The following JAZF1 variants were observed in gnomAD, a reference collection of about 807,000 sequenced individuals.
JAZF1 encodes juxtaposed with another zinc finger protein 1.
In JAZF1, 8 loss-of-function variants were observed where a neutral mutation model predicts 26.4. That is an observed-to-expected ratio of 0.30 (90% CI 0.18 to 0.55). JAZF1 has a LOEUF of 0.55. Among genes scored for constraint, JAZF1 ranks in the 20% least tolerant of loss-of-function variants. JAZF1 has a pLI of 0.94. For missense variants in JAZF1, 199 were observed against 322.0 expected (o/e 0.62, Z 2.92); for synonymous variants, 126 against 122.3 (o/e 1.03, Z -0.20).
At position 28,112,867 on chromosome 7, in the gene JAZF1, G is replaced by A. The variant is rs555808339; in HGVS notation, c.115+67596C>T. ...CAAAACTCACTTTTAAAAACAGCCT[G>A]CTGATAAACTTCCTCTTAAAAATGA... is the stretch of plus-strand genomic sequence containing the variant. On this transcript the variant is annotated intron_variant, in intron 1 of 4. Coordinates refer to ENST00000283928, the MANE Select transcript of JAZF1 (RefSeq NM_175061.4). Among the ~76,000 whole-genome samples the A allele has an allele frequency of 8.5e-5, 13 of 152,300 alleles. No homozygotes were observed. In the South Asian group the frequency reaches 2.7e-3, roughly 32 times the overall value.
intron 2 of JAZF1, among the ~76,000 whole-genome samples, chr7:27,925,161 A>C (rs1262033414): frequency 6.6e-6 from 1 of 152,216 alleles, no homozygotes; most frequent in African/African-American, 2.4e-5. Flanking sequence ...TGAGGAGCCA[A>C]AGGCCATTTG....
At position 28,110,604 on chromosome 7, in the gene JAZF1, AAAAGG is replaced by A. The variant is rs1324880152; in HGVS notation, c.115+69854_115+69858del. The stretch of plus-strand genomic sequence containing the variant: ...GAAAAGGAAAAGGAAAAGGAAAAGG[AAAAGG>A]AAAGGAAAAGGAAAGGAAAGGAAAG... On this transcript the variant is annotated intron_variant, in intron 1 of 4. Transcript: ENST00000283928. 6.4e-3 allele frequency among the ~76,000 whole-genome samples: 694 copies of A among 109,098 alleles called. 66 individuals carry two copies. The highest frequency in any genetic ancestry group is 0.024 in the African/African-American group (633 of 26,778). The allele number at this position is 109,098 out of a possible 152,430, so 71.6% of individuals were successfully genotyped here.
At chr7:27,854,048 A>G (rs12672196) in intron 3 of JAZF1, among the ~76,000 whole-genome samples, 70,397 of 151,796 alleles carry the variant, frequency 0.46, 16,554 homozygotes, top group East Asian at 0.62. Flanking sequence ...ATGAATCTGC[A>G]TGCTCCTGTT....
At chr7:27,965,129 T>C (rs895778513) in intron 2 of JAZF1, among the ~76,000 whole-genome samples, 3 of 152,174 alleles carry the variant, frequency 2.0e-5, no homozygotes, top group African/African-American at 7.2e-5. Context: ...GTACATACTG[T>C]TCTTCAGCAT....
At chr7:28,167,090 T>C (rs143855166) in intron 1 of JAZF1, among the ~76,000 whole-genome samples, 8 of 152,168 alleles carry the variant, frequency 5.3e-5, no homozygotes, top group Non-Finnish European at 1.2e-4. Flanking sequence ...CCCTTCATAG[T>C]CATGTTTCTA....
At chr7:28,130,725 C>T (rs958914583) in intron 1 of JAZF1, among the ~76,000 whole-genome samples, 21 of 152,182 alleles carry the variant, frequency 1.4e-4, no homozygotes, top group Non-Finnish European at 1.8e-4. Flanking sequence ...GAGTGGTACT[C>T]CAATGTGATC....
At chr7:28,159,257 G>T (rs1783240256) in intron 1 of JAZF1, among the ~76,000 whole-genome samples, 1 of 151,734 alleles carries the variant, frequency 6.6e-6, no homozygotes, top group Non-Finnish European at 1.5e-5. Flanking sequence ...CTGGGAGTGG[G>T]GTTGATGGGA....
intron 1 of JAZF1, among the ~76,000 whole-genome samples, chr7:28,000,233 C>G (rs941915456): frequency 1.3e-5 from 2 of 152,036 alleles, no homozygotes; most frequent in Non-Finnish European, 2.9e-5. Context: ...CAGCACCCCC[C>G]CGACCCCCCA....
At chr7:28,158,186 C>CACACACACACACAGAG (rs149643430) in intron 1 of JAZF1, among the ~76,000 whole-genome samples, 1 of 143,346 alleles carries the variant, frequency 7.0e-6, no homozygotes, top group Non-Finnish European at 1.5e-5. Context: ...CACACACACA[C>CACACACACACACAGAG]AGAGAGAGAG....
chr7:28,146,685 T>C (rs1436029764), intron 1 of JAZF1, among the ~76,000 whole-genome samples: 1 of 152,184 alleles, frequency 6.6e-6, no homozygotes, highest in Non-Finnish European at 1.5e-5. Flanking sequence ...AGTATTGCCA[T>C]TTAAAAATAG....
intron 1 of JAZF1, among the ~76,000 whole-genome samples, chr7:28,012,544 A>G (rs924735351): frequency 1.3e-5 from 2 of 152,242 alleles, no homozygotes; most frequent in African/African-American, 4.8e-5. Flanking sequence ...AGGCCACTGA[A>G]GGGTGTGGGC....
intron 1 of JAZF1, among the ~76,000 whole-genome samples, chr7:28,070,316 T>A (rs1285994437): frequency 6.6e-6 from 1 of 152,146 alleles, no homozygotes; most frequent in Non-Finnish European, 1.5e-5. Context: ...TTGGTTCTCA[T>A]CCCTGAAAAA....
intron 2 of JAZF1, among the ~76,000 whole-genome samples, chr7:27,936,693 G>A (rs555958747): frequency 1.3e-5 from 2 of 152,264 alleles, no homozygotes; most frequent in Admixed American, 6.5e-5. Context: ...GATGGTGGTA[G>A]TAAAGATTAA....
At chr7:27,945,428 T>C (rs1174542547) in intron 2 of JAZF1, among the ~76,000 whole-genome samples, 1 of 152,180 alleles carries the variant, frequency 6.6e-6, no homozygotes, top group African/African-American at 2.4e-5. Flanking sequence ...CAGGGTCCTC[T>C]GCACCTCTTC....
At chr7:28,072,923 C>A (rs1421525981) in intron 1 of JAZF1, among the ~76,000 whole-genome samples, 1 of 151,686 alleles carries the variant, frequency 6.6e-6, no homozygotes, top group African/African-American at 2.4e-5. Flanking sequence ...TGTGAATAAC[C>A]AAAAAAAATT....
rs114830351 is a variant in JAZF1 at position 27,862,279 on chromosome 7, T to C, written c.386-21412A>G. ...TTTGTATATTGTGTGATGCTGAGGT[T>C]TGGGGTACAATTGATCCCATCACCC... On this transcript the variant is annotated intron_variant, in intron 3 of 4. Coordinates refer to ENST00000283928, the MANE Select transcript of JAZF1 (RefSeq NM_175061.4). Among the ~76,000 whole-genome samples, 1,116 of 152,264 alleles carry C rather than the reference T, an allele frequency of 7.3e-3. 11 individuals carry two copies. The highest frequency in any genetic ancestry group is 0.022 in the African/African-American group (915 of 41,528).
At chr7:27,912,079 T>C (rs146851301) in intron 2 of JAZF1, among the ~76,000 whole-genome samples, 1,544 of 152,150 alleles carry the variant, frequency 0.01, 21 homozygotes, top group Non-Finnish European at 0.013. Flanking sequence ...TGAAAAATGT[T>C]AATAGAGGAC....
intron 1 of JAZF1, among the ~76,000 whole-genome samples, chr7:28,004,651 A>G (rs1782668027): frequency 6.6e-6 from 1 of 151,572 alleles, no homozygotes; most frequent in Non-Finnish European, 1.5e-5. Flanking sequence ...CCAGTGAAAT[A>G]ATTTTTTTTT....
intron 1 of JAZF1, among the ~76,000 whole-genome samples, chr7:28,036,858 T>C (rs890955584): frequency 6.6e-6 from 1 of 152,020 alleles, no homozygotes; most frequent in Non-Finnish European, 1.5e-5. Context: ...AGAATGCACA[T>C]AGCAAGACCA....
Sources: allele counts gnomAD v4.1 joint callset (sites outside exome capture counted in the v4.1 genomes callset), GRCh38; gene constraint gnomAD v4.1.1; transcripts MANE v1.5; gene names NCBI Gene and HGNC (gene_info 2026-07-23, HGNC 2026-07-21).